Variants in ANAPC13 observed in about 807,000 individuals in gnomAD.
ANAPC13 encodes the protein anaphase-promoting complex subunit 13.
In ANAPC13, 9 loss-of-function variants were observed where a neutral mutation model predicts 9.6. The ratio of observed to expected loss-of-function variants is 0.94; its 90% CI spans 0.57 to 1.64. The LOEUF (loss-of-function observed/expected upper bound fraction) is 1.64. Among genes scored for constraint, ANAPC13 ranks in the 40% most tolerant of loss-of-function variants. ANAPC13 has a pLI of 0.00. For missense variants in ANAPC13, 75 were observed against 85.3 expected (o/e 0.88, Z 0.48); for synonymous variants, 30 against 29.7 (o/e 1.01, Z -0.03).
At chr3:134,486,016 G>T (rs954281761), upstream of ANAPC13, 1 of 948,316 alleles carries the variant, frequency 1.1e-6, no homozygotes, top group African/African-American at 2.0e-5. Flanking sequence ...CCCGCATCAC[G>T]TGTCTGCACT....
At chr3:134,479,326 A>G (rs1428708383) in intron 2 of ANAPC13, among the ~76,000 whole-genome samples, 2 of 152,010 alleles carry the variant, frequency 1.3e-5, no homozygotes, top group Non-Finnish European at 2.9e-5. Flanking sequence ...CCAAAAAATT[A>G]TCTTGGACCC....
intron 1 of ANAPC13, 22 bp downstream of exon 1, chr3:134,485,930 C>T: frequency 1.0e-6 from 1 of 960,672 alleles, no homozygotes; most frequent in South Asian, 4.8e-5. Context: ...AAACCTAGGC[C>T]GGGGGCGCTG....
Position 134,478,448 on chromosome 3 carries a change from T to C in ANAPC13, c.*142A>G. Reference sequence around the variant, plus strand: ...CTCAGTTTCTCATTCAATTTCGCATTGCACTTTGCTACCACAAACTAAATG... The same window carrying C: ...CTCAGTTTCTCATTCAATTTCGCATCGCACTTTGCTACCACAAACTAAATG... On this transcript the variant is annotated 3_prime_UTR_variant, in exon 3 of 3. Coordinates refer to ENST00000354910, the MANE Select transcript of ANAPC13 (RefSeq NM_015391.4). The C allele has an allele frequency of 9.2e-7, 1 of 1,085,734 alleles. No homozygotes were observed. Among genetic ancestry groups the C allele is most frequent in the Admixed American group, 2.5e-5 (1 of 39,380 alleles). The allele number at this position is 1,085,734 out of a possible 1,614,324, so 67.3% of individuals were successfully genotyped here.
chr3:134,485,842 A>C (rs1219470998), intron 1 of ANAPC13, 110 bp downstream of exon 1: 1 of 332,830 alleles, frequency 3.0e-6, no homozygotes, highest in South Asian at 1.2e-4. Context: ...AACGGTTATG[A>C]GCGTAAAGTG....
At chr3:134,481,123 T>C (rs1934724023) in intron 2 of ANAPC13, among the ~76,000 whole-genome samples, 1 of 152,206 alleles carries the variant, frequency 6.6e-6, no homozygotes, top group South Asian at 2.1e-4. Flanking sequence ...CCACAACAGC[T>C]TGCCAATTGG....
chr3:134,483,060 G>A (rs1559830290), intron 1 of ANAPC13, 129 bp from the exon 2 acceptor site: 5 of 647,778 alleles, frequency 7.7e-6, no homozygotes, highest in South Asian at 1.8e-5. Context: ...CATATGGGCC[G>A]GGTGACTACT....
At chr3:134,481,798 T>G (rs1934741100) in intron 2 of ANAPC13, among the ~76,000 whole-genome samples, 2 of 152,230 alleles carry the variant, frequency 1.3e-5, no homozygotes, top group African/African-American at 4.8e-5. Flanking sequence ...AAGTTGCCCT[T>G]TCTGATCCTA....
At chr3:134,478,768 G>A in intron 2 of ANAPC13, 53 bp from the exon 3 acceptor site, 1 of 1,585,424 alleles carries the variant, frequency 6.3e-7, no homozygotes, top group South Asian at 1.1e-5. Flanking sequence ...CATCTTCTTG[G>A]AACTCAAGAA....
chr3:134,484,105 GGCGCGGTGGCTC>G (rs1255993943), intron 1 of ANAPC13, among the ~76,000 whole-genome samples: 1 of 152,202 alleles, frequency 6.6e-6, no homozygotes, highest in Non-Finnish European at 1.5e-5. Context: ...CACAGGGCCG[GGCGCGGTGGCTC>G]GCGCCTGTAA....
chr3:134,481,908 T>C (rs1934742793), intron 2 of ANAPC13, among the ~76,000 whole-genome samples: 1 of 152,236 alleles, frequency 6.6e-6, no homozygotes, highest in East Asian at 1.9e-4. Context: ...GGCATAAAAC[T>C]GGTATTCAAT....
chr3:134,482,901 C>G lies in ANAPC13; in HGVS notation c.4G>C (p.Asp2His), dbSNP rs147118523. Residue 2 changes from aspartate to histidine, a missense_variant, in exon 2 of 3, where the codon GAC becomes CAC. Asp to His is a moderately conservative substitution (Grantham distance 81). Coordinates refer to ENST00000354910, the MANE Select transcript of ANAPC13 (RefSeq NM_015391.4). The stretch of plus-strand genomic sequence containing the variant: ...CTTCCATCTCTCTGAACCTCACTGT[C>G]CATTTTCCTGCAGCTTTGATCTTGT... M[D>H]SEVQRDGRIL... is the part of the protein sequence containing the mutation. The G allele has an allele frequency of 8.7e-6, 14 of 1,613,370 alleles. No individual in the cohort carries two copies. The highest frequency in any genetic ancestry group is 1.2e-5 in the Non-Finnish European group (14 of 1,179,422).
chr3:134,485,952 C>T lies in ANAPC13; in HGVS notation c.-28G>A, dbSNP rs190969508. The T allele has an allele frequency of 6.1e-5, 60 of 982,250 alleles. No individual in the cohort carries two copies. Among genetic ancestry groups the T allele is most frequent in the Admixed American group, 5.0e-4 (8 of 16,114 alleles). 60.8% of individuals were successfully genotyped at this position (982,250 alleles called of 1,614,324 possible). A position where few individuals can be genotyped will look rare whatever the true frequency, so the allele number is the denominator to read the frequency against. ...GGCCGGGGGCGCTGGAAACCCTTAC[C>T]GGCACCCGGCCACCGCGGCAGACGC... On this transcript the variant is annotated splice_region_variant and 5_prime_UTR_variant, in exon 1 of 3. Coordinates refer to ENST00000354910, the MANE Select transcript of ANAPC13 (RefSeq NM_015391.4).
chr3:134,484,061 G>C (rs1934824075), intron 1 of ANAPC13, among the ~76,000 whole-genome samples: 1 of 152,210 alleles, frequency 6.6e-6, no homozygotes, highest in Admixed American at 6.5e-5. Context: ...TGAGGTTTGG[G>C]CCAAGGCAGG....
chr3:134,479,243 ATCT>A (rs1407547705), intron 2 of ANAPC13, among the ~76,000 whole-genome samples: 1 of 152,208 alleles, frequency 6.6e-6, no homozygotes, highest in Non-Finnish European at 1.5e-5. Context: ...TGAATCCTAA[ATCT>A]TCTTTAGCGG....
chr3:134,479,017 C>T (rs867632648), intron 2 of ANAPC13, among the ~76,000 whole-genome samples: 25 of 152,188 alleles, frequency 1.6e-4, no homozygotes, highest in African/African-American at 5.5e-4. Context: ...AAGACCACAA[C>T]TCTCCCATTT....
In ANAPC13 at chr3:134,477,990, T is replaced by A. The variant is rs1374982140; in HGVS notation, c.*600A>T. On this transcript the variant is annotated 3_prime_UTR_variant, in exon 3 of 3. Transcript: ENST00000354910. Reference sequence around the variant, plus strand: ...AACTAGTCATCCACCTAGCCAAAGATCCTTTCCAGCAGCACAAAAGGAATT... The same window carrying A: ...AACTAGTCATCCACCTAGCCAAAGAACCTTTCCAGCAGCACAAAAGGAATT... 2 of 152,196 alleles carry A rather than the reference T, an allele frequency of 1.3e-5. No homozygotes were observed. The highest frequency in any genetic ancestry group is 2.9e-5 in the Non-Finnish European group (2 of 68,030). The allele number at this position is 152,196 out of a possible 1,614,324, so 9.4% of individuals were successfully genotyped here.
At chr3:134,485,101 C>T (rs1215597698) in intron 1 of ANAPC13, among the ~76,000 whole-genome samples, 4 of 152,324 alleles carry the variant, frequency 2.6e-5, no homozygotes, top group Non-Finnish European at 5.9e-5. Context: ...TGCCACTCTT[C>T]CTTTCAAGAT....
At chr3:134,485,407 G>C (rs932819603) in intron 1 of ANAPC13, 1 of 152,138 alleles carries the variant, frequency 6.6e-6, no homozygotes, top group Non-Finnish European at 1.5e-5. Context: ...TAGGTCCCAG[G>C]TCGCTTCCTA....
chr3:134,482,463 CAG>C (rs1196147583), intron 2 of ANAPC13, among the ~76,000 whole-genome samples: 5 of 152,294 alleles, frequency 3.3e-5, no homozygotes, highest in Non-Finnish European at 5.9e-5. Context: ...AAGTAAGAAA[CAG>C]AGCTCATATG....
Sources: gnomAD v4.1 joint callset for allele counts (sites outside exome capture counted in the v4.1 genomes callset) on GRCh38, gnomAD v4.1.1 for gene constraint, MANE v1.5 for transcripts, NCBI Gene and HGNC (gene_info 2026-07-23, HGNC 2026-07-21) for gene names.